The following MAK variants were observed in gnomAD, a reference collection of about 807,000 sequenced individuals.
MAK encodes the protein male germ cell associated kinase, also known as serine/threonine-protein kinase MAK.
MAK carries 65 observed loss-of-function variants against 82.6 expected under a neutral mutation model. That is an observed-to-expected ratio of 0.79 (90% CI 0.64 to 0.97). MAK has a LOEUF of 0.97. Among genes scored for constraint, MAK ranks in the 50% least tolerant of loss-of-function variants. The pLI is 0.00. For synonymous variants in MAK, 250 were observed against 274.2 expected, an observed-to-expected ratio of 0.91 and a Z score of 0.87; for missense variants, 703 against 780.2, an observed-to-expected ratio of 0.90 and a Z score of 1.18.
intron 5 of MAK, among the ~76,000 whole-genome samples, chr6:10,810,189 T>A (rs1443265848): frequency 6.6e-6 from 1 of 151,532 alleles, no homozygotes; most frequent in Non-Finnish European, 1.5e-5. Context: ...AGATTTGTCT[T>A]AAGGGAGGCT....
chr6:10,781,615 G>C (rs1773974014), intron 11 of MAK, among the ~76,000 whole-genome samples: 1 of 151,738 alleles, frequency 6.6e-6, no homozygotes, highest in Non-Finnish European at 1.5e-5. Flanking sequence ...GTAGAGACAG[G>C]GTTTTGCCAT....
chr6:10,770,199 CTGAT>C lies in MAK; in HGVS notation c.1700_1703del (p.Asn567SerfsTer22), dbSNP rs1347914291. 23 of 1,613,998 alleles carry C rather than the reference CTGAT, an allele frequency of 1.4e-5. No individual in the cohort carries two copies. Among genetic ancestry groups the C allele is most frequent in the Non-Finnish European group, 1.9e-5 (23 of 1,180,014 alleles). ...TGAGAAAGGAAGGAATATATCCTGA[CTGAT>C]TGTAAGTAGCATAACTTCCAAGATT... is the stretch of plus-strand genomic sequence containing the variant. On this transcript the variant is annotated frameshift_variant, in exon 14 of 15. Coordinates refer to ENST00000354489, the MANE Select transcript of MAK (RefSeq NM_001242957.3). LOFTEE classifies it high-confidence loss of function.
intron 5 of MAK, among the ~76,000 whole-genome samples, chr6:10,812,303 G>A (rs1421086570): frequency 6.6e-6 from 1 of 152,028 alleles, no homozygotes; most frequent in East Asian, 1.9e-4. Context: ...CAATGGTATG[G>A]GACAAACTTT....
At chr6:10,809,854 C>T (rs562511200) in intron 5 of MAK, among the ~76,000 whole-genome samples, 97 of 152,216 alleles carry the variant, frequency 6.4e-4, no homozygotes, top group Non-Finnish European at 1.2e-3. Context: ...AATCCCAGCA[C>T]TTTGGGAGGC....
chr6:10,829,619 A>C (rs1337826742), intron 2 of MAK, among the ~76,000 whole-genome samples: 1 of 152,208 alleles, frequency 6.6e-6, no homozygotes, highest in Non-Finnish European at 1.5e-5. Flanking sequence ...AGAACATTCC[A>C]AAGATCACCT....
At chr6:10,811,920 A>G (rs1776962362) in intron 5 of MAK, among the ~76,000 whole-genome samples, 1 of 152,066 alleles carries the variant, frequency 6.6e-6, no homozygotes, top group African/African-American at 2.4e-5. Context: ...CAGGAGGAGG[A>G]TGGGTGTGAT....
At chr6:10,815,911 A>AAT (rs1561991497) in intron 4 of MAK, among the ~76,000 whole-genome samples, 3 of 78,186 alleles carry the variant, frequency 3.8e-5, no homozygotes, top group African/African-American at 2.1e-4. Context: ...AGCTTTATAC[A>AAT]GTATATATAT....
rs760381134 is a variant in MAK, at chr6:10,764,544, C to T, written c.1855G>A (p.Ala619Thr). Reference protein sequence around the residue: ...QFSGRTYNPTAKNLNIVNRAQ... With the variant: ...QFSGRTYNPTTKNLNIVNRAQ... ...CGGTTCACAATATTTAGGTTTTTTG[C>T]TGTAGGATTATAAGTACGTCCTGAA... is the stretch of plus-strand genomic sequence containing the variant. Residue 619 changes from alanine (A) to threonine (T), a missense_variant, in exon 15 of 15, where the codon GCA (alanine) becomes ACA (threonine). Ala to Thr is a moderately conservative substitution (Grantham distance 58, BLOSUM62 0). Transcript: ENST00000354489. 3 of 1,614,054 alleles carry T rather than the reference C, an allele frequency of 1.9e-6. No individual in the cohort carries two copies. Among genetic ancestry groups the T allele is most frequent in the Non-Finnish European group, 2.5e-6 (3 of 1,179,976 alleles).
At chr6:10,768,856 G>T (rs1444124661) in intron 14 of MAK, among the ~76,000 whole-genome samples, 1 of 152,102 alleles carries the variant, frequency 6.6e-6, no homozygotes, top group African/African-American at 2.4e-5. Flanking sequence ...CTAATCAGGG[G>T]TTTTAATATA....
chr6:10,787,112 C>T (rs1488586767), intron 10 of MAK, among the ~76,000 whole-genome samples: 6 of 150,840 alleles, frequency 4.0e-5, no homozygotes, highest in Non-Finnish European at 7.4e-5. Flanking sequence ...CACCACTCCG[C>T]TAATGCACCA....
chr6:10,823,301 A>C lies in MAK; in HGVS notation c.102-4361T>G, dbSNP rs80023818. On this transcript the variant is annotated intron_variant, in intron 2 of 14. Transcript: ENST00000354489. ...ATGGAACTTGTTAAATTCCATATCT[A>C]ATAACACATGGAACTTGTTAAATTC... is the stretch of plus-strand genomic sequence containing the variant. Among the ~76,000 whole-genome samples the C allele has an allele frequency of 9.9e-3, 1,503 of 152,216 alleles. 29 individuals carry two copies. Among genetic ancestry groups the C allele is most frequent in the African/African-American group, 0.034 (1,429 of 41,484 alleles).
At chr6:10,765,270 C>T (rs1772302951) in intron 14 of MAK, among the ~76,000 whole-genome samples, 1 of 152,054 alleles carries the variant, frequency 6.6e-6, no homozygotes, top group South Asian at 2.1e-4. Flanking sequence ...GTGTTGGTGA[C>T]TTTGTAATAT....
At chr6:10,792,852 C>T (rs1465059280) in intron 9 of MAK, among the ~76,000 whole-genome samples, 1 of 152,164 alleles carries the variant, frequency 6.6e-6, no homozygotes, top group African/African-American at 2.4e-5. Flanking sequence ...CCAGGCACAA[C>T]AATCTCCAGA....
intron 10 of MAK, among the ~76,000 whole-genome samples, chr6:10,787,914 A>G (rs978188856): frequency 2.4e-4 from 37 of 152,058 alleles, no homozygotes; most frequent in Admixed American, 1.3e-3. Flanking sequence ...ACTGTCATAC[A>G]GTTTTTCTAA....
chr6:10,796,178 AG>A lies in MAK; in HGVS notation c.962del (p.Pro321LeufsTer7), dbSNP rs1288620533. On this transcript the variant is annotated frameshift_variant, in exon 9 of 15. Coordinates refer to ENST00000354489, the MANE Select transcript of MAK (RefSeq NM_001242957.3). LOFTEE classifies it high-confidence loss of function. ...ESKPSLVEVE[P>X]KPLPDIIDQV... ...GATCGATTATATCCGGCAGAGGCTTAGGCTCTACCTCAACTAAAGATGGCTT... is the reference window on the plus strand; with the variant it reads ...GATCGATTATATCCGGCAGAGGCTTAGCTCTACCTCAACTAAAGATGGCTT... The A allele has an allele frequency of 1.2e-6, 2 of 1,614,208 alleles. No homozygotes were observed. Among genetic ancestry groups the A allele is most frequent in the Admixed American group, 3.3e-5 (2 of 60,026 alleles).
chr6:10,815,912 G>GTGTGTATATATATATATATATATA (rs1554184483), intron 4 of MAK, among the ~76,000 whole-genome samples: 11 of 108,316 alleles, frequency 1.0e-4, no homozygotes, highest in East Asian at 5.0e-4. Context: ...GCTTTATACA[G>GTGTGTATATATATATATATATATA]TATATATATA....
At position 10,764,397 on chromosome 6, in the gene MAK, A is replaced by G. The variant is rs1468690669; in HGVS notation, c.*55T>C. The G allele has an allele frequency of 7.0e-6, 11 of 1,572,112 alleles. No individual in the cohort carries two copies. In the East Asian group the frequency reaches 1.6e-4, roughly 22 times the overall value. On this transcript the variant is annotated 3_prime_UTR_variant, in exon 15 of 15. Transcript: ENST00000354489. ...CATTTGTAGACATTTCCCAGGGTCA[A>G]GGAACTTGCACGTACTCTACGGAGC...
chr6:10,775,406 G>GT lies in MAK; in HGVS notation c.1518_1519insA (p.His507ThrfsTer32). On this transcript the variant is annotated frameshift_variant, in exon 12 of 15. Coordinates refer to ENST00000354489, the MANE Select transcript of MAK (RefSeq NM_001242957.3). LOFTEE classifies it high-confidence loss of function. ...GGGAATAACTGGTTGCTCCAAGTGT[G>GT]GGGGTTTATTTCCTTTCCACTGGCT... 6.2e-7 allele frequency: 1 copy of GT among 1,613,926 alleles called. No homozygotes were observed. Among genetic ancestry groups the GT allele is most frequent in the Non-Finnish European group, 8.5e-7 (1 of 1,179,866 alleles).
chr6:10,799,130 A>G (rs868729601), intron 8 of MAK, among the ~76,000 whole-genome samples: 4 of 152,078 alleles, frequency 2.6e-5, no homozygotes, highest in East Asian at 3.9e-4. Flanking sequence ...GCCACCGCAC[A>G]TGGTTGGAAA....
Sources: gnomAD v4.1 joint callset for allele counts (sites outside exome capture counted in the v4.1 genomes callset) on GRCh38, gnomAD v4.1.1 for gene constraint, MANE v1.5 for transcripts, NCBI Gene and HGNC (gene_info 2026-07-23, HGNC 2026-07-21) for gene names.